Variants in KCNH7 observed in about 807,000 individuals in gnomAD.
The protein encoded by KCNH7 is voltage-gated inwardly rectifying potassium channel KCNH7.
A neutral mutation model predicts 120.8 loss-of-function variants in KCNH7; 49 were observed. That is an observed-to-expected ratio of 0.41 (90% CI 0.32 to 0.51). The LOEUF (loss-of-function observed/expected upper bound fraction) is 0.51, where lower values mean the gene tolerates loss of function less well. KCNH7 is among the 20% of genes least tolerant of loss of function. The probability of loss-of-function intolerance (pLI) is 0.38; values close to 1 mark genes in which losing one functional copy is unlikely to be tolerated. For synonymous variants in KCNH7, 547 were observed against 516.1 expected, an observed-to-expected ratio of 1.06 and a Z score of -0.81; for missense variants, 1,097 against 1,446.6, an observed-to-expected ratio of 0.76 and a Z score of 3.92.
intron 2 of KCNH7, among the ~76,000 whole-genome samples, chr2:162,647,662 C>T (rs954648417): frequency 6.6e-6 from 1 of 152,148 alleles, no homozygotes; most frequent in Admixed American, 6.5e-5. Flanking sequence ...TGCCTGCCAC[C>T]ATTTAAGACG....
intron 8 of KCNH7, among the ~76,000 whole-genome samples, chr2:162,429,380 A>AGT (rs1687981894): frequency 1.4e-5 from 1 of 69,352 alleles, no homozygotes; most frequent in Non-Finnish European, 2.3e-5. Flanking sequence ...ATGAGGAAAA[A>AGT]GTCTTTTTTT....
intron 2 of KCNH7, among the ~76,000 whole-genome samples, chr2:162,663,097 G>A (rs958164624): frequency 2.0e-5 from 3 of 152,274 alleles, no homozygotes; most frequent in Non-Finnish European, 4.4e-5. Context: ...TGATAGGTTC[G>A]TGGTAAACCT....
intron 2 of KCNH7, among the ~76,000 whole-genome samples, chr2:162,723,265 C>T (rs1687395232): frequency 6.6e-6 from 1 of 152,016 alleles, no homozygotes; most frequent in Admixed American, 6.6e-5. Flanking sequence ...ATGAACTAGT[C>T]TTTTACAGGA....
chr2:162,574,368 A>G (rs1268054823), intron 2 of KCNH7, among the ~76,000 whole-genome samples: 1 of 151,874 alleles, frequency 6.6e-6, no homozygotes, highest in Non-Finnish European at 1.5e-5. Context: ...AAACTTTAGT[A>G]TTTTTTAAAG....
At chr2:162,712,395 G>T (rs1257705480) in intron 2 of KCNH7, among the ~76,000 whole-genome samples, 2 of 152,090 alleles carry the variant, frequency 1.3e-5, no homozygotes, top group Non-Finnish European at 2.9e-5. Context: ...TCTGGCACTG[G>T]CAGAGTGCTC....
At chr2:162,689,068 A>T (rs1433485141) in intron 2 of KCNH7, among the ~76,000 whole-genome samples, 1 of 152,014 alleles carries the variant, frequency 6.6e-6, no homozygotes, top group African/African-American at 2.4e-5. Context: ...ATCTTCAATA[A>T]ATAGTATCTA....
At chr2:162,434,987 C>G (rs1688191503) in intron 8 of KCNH7, among the ~76,000 whole-genome samples, 1 of 151,880 alleles carries the variant, frequency 6.6e-6, no homozygotes, top group Non-Finnish European at 1.5e-5. Context: ...CAATTTTATG[C>G]CCATAGTTCC....
chr2:162,777,447 A>C (rs1404795150), intron 2 of KCNH7, among the ~76,000 whole-genome samples: 1 of 152,146 alleles, frequency 6.6e-6, no homozygotes, highest in Non-Finnish European at 1.5e-5. Context: ...TTTGATCTGC[A>C]GTTGGTTGAA....
intron 2 of KCNH7, among the ~76,000 whole-genome samples, chr2:162,714,604 G>A (rs1236476839): frequency 6.6e-6 from 1 of 152,014 alleles, no homozygotes. Context: ...TGAAACAGGG[G>A]GTTGGCAAAC....
At chr2:162,546,576 G>T (rs1025771666) in intron 2 of KCNH7, among the ~76,000 whole-genome samples, 6 of 152,122 alleles carry the variant, frequency 3.9e-5, no homozygotes, top group African/African-American at 1.2e-4. Flanking sequence ...ACCCCGTGTG[G>T]ATGTCATTTC....
chr2:162,384,563 C>T lies in KCNH7; in HGVS notation c.2962+125G>A, dbSNP rs555426814. 1,064 of 975,996 alleles carry T rather than the reference C, an allele frequency of 1.1e-3. 2 individuals are homozygous for T. The highest frequency in any genetic ancestry group is 1.4e-3 in the Non-Finnish European group (937 of 652,486). 60.5% of individuals were successfully genotyped at this position (975,996 alleles called of 1,614,324 possible). On this transcript the variant is annotated intron_variant, in intron 13 of 15. Transcript: ENST00000332142. ...GATGATCTGAAATCTGAACGCTTCG[C>T]GAACATTTCATGAAGTTGAGAACAA...
intron 9 of KCNH7, among the ~76,000 whole-genome samples, chr2:162,420,909 G>C (rs1288753526): frequency 1.3e-5 from 2 of 152,068 alleles, no homozygotes; most frequent in Non-Finnish European, 1.5e-5. Context: ...GGGATTTCAA[G>C]TGTGGTTTTG....
intron 2 of KCNH7, among the ~76,000 whole-genome samples, chr2:162,702,202 GTAT>G (rs1288443536): frequency 6.6e-6 from 1 of 152,012 alleles, no homozygotes; most frequent in African/African-American, 2.4e-5. Context: ...GTTCAGTATA[GTAT>G]TATCATTGTT....
At chr2:162,515,483 G>A (rs995610107) in intron 4 of KCNH7, among the ~76,000 whole-genome samples, 1 of 151,752 alleles carries the variant, frequency 6.6e-6, no homozygotes, top group Non-Finnish European at 1.5e-5. Flanking sequence ...CAAATTTGTT[G>A]TTTTTGAATT....
intron 14 of KCNH7, among the ~76,000 whole-genome samples, chr2:162,375,483 C>T (rs1326491100): frequency 1.3e-5 from 2 of 152,180 alleles, no homozygotes; most frequent in Non-Finnish European, 2.9e-5. Flanking sequence ...TTGCAGCACA[C>T]TGCCATGAGT....
At chr2:162,581,012 G>A (rs1693848484) in intron 2 of KCNH7, among the ~76,000 whole-genome samples, 1 of 152,000 alleles carries the variant, frequency 6.6e-6, no homozygotes, top group African/African-American at 2.4e-5. Context: ...AGTATTTATT[G>A]GCATTGCTTT....
chr2:162,689,145 A>G (rs1376782975), intron 2 of KCNH7, among the ~76,000 whole-genome samples: 2 of 149,996 alleles, frequency 1.3e-5, no homozygotes, highest in African/African-American at 4.9e-5. Flanking sequence ...TTTAGTTACT[A>G]TTATTATTAT....
intron 2 of KCNH7, among the ~76,000 whole-genome samples, chr2:162,642,896 A>G (rs1296394042): frequency 6.6e-6 from 1 of 152,240 alleles, no homozygotes; most frequent in Non-Finnish European, 1.5e-5. Context: ...ATTTAATTTT[A>G]AGCTGAAACA....
chr2:162,719,993 G>C (rs529616945), intron 2 of KCNH7, among the ~76,000 whole-genome samples: 1 of 152,106 alleles, frequency 6.6e-6, no homozygotes, highest in Non-Finnish European at 1.5e-5. Context: ...CTGAGTTTCT[G>C]TTATTTTTGC....
Sources: gnomAD v4.1 joint callset for allele counts (sites outside exome capture counted in the v4.1 genomes callset) on GRCh38, gnomAD v4.1.1 for gene constraint, MANE v1.5 for transcripts, NCBI Gene and HGNC (gene_info 2026-07-23, HGNC 2026-07-21) for gene names.